SMARCAD1: variants seen among roughly 807,000 people sequenced by gnomAD.
SMARCAD1 encodes the protein SWI/SNF-related matrix-associated actin-dependent regulator of chromatin subfamily A containing DEAD/H box 1.
Under a neutral mutation model 127.1 loss-of-function variants are expected in SMARCAD1, and 25 were observed. That is an observed-to-expected ratio of 0.20 (90% CI 0.14 to 0.27). The LOEUF is 0.27. SMARCAD1 is among the 10% of genes least tolerant of loss of function. The probability of loss-of-function intolerance (pLI) is 1.00; values close to 1 mark genes in which losing one functional copy is unlikely to be tolerated. For synonymous variants in SMARCAD1, 400 were observed against 396.9 expected (o/e 1.01, Z -0.09); for missense variants, 807 against 1,206.0 (o/e 0.67, Z 4.90).
At chr4:94,224,400 G>T (rs756985664) in intron 2 of SMARCAD1, among the ~76,000 whole-genome samples, 5 of 152,092 alleles carry the variant, frequency 3.3e-5, no homozygotes, top group Admixed American at 2.6e-4. Flanking sequence ...TTAGATTTTG[G>T]AATATTTGCA....
chr4:94,280,067 G>A (rs919945280), intron 19 of SMARCAD1, among the ~76,000 whole-genome samples: 3 of 152,022 alleles, frequency 2.0e-5, no homozygotes, highest in Non-Finnish European at 2.9e-5. Flanking sequence ...GTTTCACCAC[G>A]TTGGCCAGGC....
At chr4:94,227,807 G>A (rs1745252452) in intron 3 of SMARCAD1, among the ~76,000 whole-genome samples, 1 of 152,184 alleles carries the variant, frequency 6.6e-6, no homozygotes, top group African/African-American at 2.4e-5. Flanking sequence ...GAGATTACAT[G>A]TCTGAATTTA....
chr4:94,222,799 C>CA (rs943620585), intron 2 of SMARCAD1, among the ~76,000 whole-genome samples: 32 of 151,434 alleles, frequency 2.1e-4, no homozygotes, highest in Non-Finnish European at 4.0e-4. Context: ...CCAGTCTCTA[C>CA]AAAAAAATAC....
intron 11 of SMARCAD1, among the ~76,000 whole-genome samples, chr4:94,272,755 T>A (rs777930006): frequency 4.6e-5 from 7 of 152,154 alleles, no homozygotes; most frequent in Admixed American, 2.0e-4. Context: ...TTTGTTGATC[T>A]TCTTCTGTTG....
At chr4:94,216,604 AC>A (rs1408064346) in intron 2 of SMARCAD1, among the ~76,000 whole-genome samples, 6 of 152,184 alleles carry the variant, frequency 3.9e-5, no homozygotes, top group Non-Finnish European at 8.8e-5. Context: ...TATGCATTGA[AC>A]AACTACTCCT....
At position 94,285,086 on chromosome 4, in the gene SMARCAD1, C is replaced by T. The variant is rs753768828; in HGVS notation, c.3019+17C>T. On this transcript the variant is annotated intron_variant, in intron 23 of 23. Transcript: ENST00000354268. ...TAGATGAAGGTGAGTTGTTTGTAAGCAGAAACTTCAATATTTATCTATATG... is the reference window on the plus strand; with the variant it reads ...TAGATGAAGGTGAGTTGTTTGTAAGTAGAAACTTCAATATTTATCTATATG... 5 of 1,472,134 alleles carry T rather than the reference C, an allele frequency of 3.4e-6. No individual in the cohort carries two copies. In the South Asian group the frequency reaches 5.7e-5, roughly 17 times the overall value. 91.2% of individuals were successfully genotyped at this position (1,472,134 alleles called of 1,614,324 possible). A position where few individuals can be genotyped will look rare whatever the true frequency, so the allele number is the denominator to read the frequency against.
At chr4:94,231,840 CAG>C (rs1401106878) in intron 3 of SMARCAD1, among the ~76,000 whole-genome samples, 1 of 151,514 alleles carries the variant, frequency 6.6e-6, no homozygotes. Context: ...AGTCTTTTCT[CAG>C]AAAAAACAGA....
At chr4:94,285,709 T>G (rs1373564099) in intron 23 of SMARCAD1, among the ~76,000 whole-genome samples, 2 of 152,222 alleles carry the variant, frequency 1.3e-5, no homozygotes, top group Non-Finnish European at 2.9e-5. Flanking sequence ...TTACTAGTCT[T>G]TCTTGCGTAG....
chr4:94,285,191 G>A, intron 23 of SMARCAD1, 122 bp downstream of exon 23: 1 of 648,578 alleles, frequency 1.5e-6, no homozygotes, highest in Non-Finnish European at 2.8e-6. Context: ...GATGATGTGT[G>A]ATGTGGGAGA....
chr4:94,274,660 T>C, intron 12 of SMARCAD1, 78 bp from the exon 13 acceptor site: 1 of 1,344,876 alleles, frequency 7.4e-7, no homozygotes, highest in South Asian at 1.2e-5. Context: ...GTAGCACTTG[T>C]CAAAGTTTAG....
intron 4 of SMARCAD1, 143 bp from the exon 5 acceptor site, chr4:94,236,809 C>T: frequency 1.4e-6 from 1 of 695,086 alleles, no homozygotes; most frequent in South Asian, 1.7e-5. Context: ...GAAAATTTAT[C>T]ATAGGACTTA....
intron 10 of SMARCAD1, among the ~76,000 whole-genome samples, chr4:94,269,815 T>A (rs953839199): frequency 5.9e-5 from 9 of 151,936 alleles, no homozygotes; most frequent in Non-Finnish European, 1.5e-5. Context: ...ACTACAAGCA[T>A]ACGTCACCAT....
At chr4:94,255,827 T>A (rs755146739) in intron 9 of SMARCAD1, among the ~76,000 whole-genome samples, 4 of 152,054 alleles carry the variant, frequency 2.6e-5, no homozygotes, top group Admixed American at 6.5e-5. Flanking sequence ...ATATTGTTTT[T>A]AAATTTTTCT....
chr4:94,249,276 G>A (rs1470827197), intron 6 of SMARCAD1, among the ~76,000 whole-genome samples: 2 of 152,076 alleles, frequency 1.3e-5, no homozygotes, highest in Admixed American at 1.3e-4. Flanking sequence ...ATATATAATA[G>A]TGAACATAGA....
At chr4:94,249,542 T>G in intron 6 of SMARCAD1, 112 bp from the exon 7 acceptor site, 1 of 698,726 alleles carries the variant, frequency 1.4e-6, no homozygotes, top group African/African-American at 1.8e-5. Context: ...TTTGGATTCT[T>G]CTGACTGATG....
intron 9 of SMARCAD1, chr4:94,253,723 G>C (rs1749641465): frequency 3.1e-6 from 3 of 980,832 alleles, no homozygotes; most frequent in African/African-American, 1.8e-5. Flanking sequence ...CTATAAACAG[G>C]TTGTATACAG....
rs70946519 is a variant in SMARCAD1 at position 94,284,165 on chromosome 4, CA to C, written c.2910-783del. Among the ~76,000 whole-genome samples the C allele has an allele frequency of 9.4e-3, 1,301 of 139,144 alleles. 14 individuals carry two copies. The highest frequency in any genetic ancestry group is 0.031 in the African/African-American group (1,159 of 37,224). The allele number at this position is 139,144 out of a possible 152,430, so 91.3% of individuals were successfully genotyped here. On this transcript the variant is annotated intron_variant, in intron 22 of 23. Transcript: ENST00000354268. ...TGAAACCCCGTCTCTACTAAAAATA[CA>C]AAAAAAAAAAATTAGCCAGGCGTGG...
chr4:94,236,615 AGTGGC>A (rs1289872551), intron 4 of SMARCAD1, among the ~76,000 whole-genome samples: 5 of 152,144 alleles, frequency 3.3e-5, no homozygotes, highest in African/African-American at 1.2e-4. Flanking sequence ...ACAGGCACGG[AGTGGC>A]CTGGACATGT....
At chr4:94,251,890 C>T (rs1205126198) in intron 8 of SMARCAD1, among the ~76,000 whole-genome samples, 2 of 151,906 alleles carry the variant, frequency 1.3e-5, no homozygotes, top group East Asian at 1.9e-4. Context: ...CTTGCTCTGT[C>T]GCCCAGGCTG....
Sources: allele counts gnomAD v4.1 joint callset (sites outside exome capture counted in the v4.1 genomes callset), GRCh38; gene constraint gnomAD v4.1.1; transcripts MANE v1.5; gene names NCBI Gene and HGNC (gene_info 2026-07-23, HGNC 2026-07-21).